The following COL6A3 variants were observed in gnomAD, a reference collection of about 807,000 sequenced individuals.
COL6A3 encodes the protein collagen type VI alpha 3 chain, also known as collagen alpha-3(VI) chain.
In COL6A3, 137 loss-of-function variants were observed where a neutral mutation model predicts 274.1. That is an observed-to-expected ratio of 0.50 (90% confidence interval 0.44 to 0.58). The LOEUF (loss-of-function observed/expected upper bound fraction) is 0.58. COL6A3 is among the 20% of genes least tolerant of loss of function. COL6A3 has a pLI of 0.00. For synonymous variants in COL6A3, 1,650 were observed against 1,650.6 expected, an observed-to-expected ratio of 1.00 and a Z score of 0.01; for missense variants, 3,950 against 4,124.9, an observed-to-expected ratio of 0.96 and a Z score of 1.16.
intron 1 of COL6A3, among the ~76,000 whole-genome samples, chr2:237,405,674 A>G (rs1286747835): frequency 1.3e-5 from 2 of 152,108 alleles, no homozygotes; most frequent in African/African-American, 4.8e-5. Flanking sequence ...AGCTACATAG[A>G]TAAAAACAAC....
In COL6A3 at chr2:237,340,494, G is replaced by T. The variant is rs1335582737; in HGVS notation, c.8422C>A (p.Pro2808Thr). Residue 2808 changes from proline (P) to threonine (T), a missense_variant, in exon 38 of 44, where the codon CCT (proline) becomes ACT (threonine). This residue lies in a region of COL6A3 where 1,284 missense variants were observed against 1,349.7 expected (regional missense o/e 0.95). Coordinates refer to ENST00000295550, the MANE Select transcript of COL6A3 (RefSeq NM_004369.4). ...AACAGCCTCCCGAAGCGCATCAAAGGCTCCTCGTTGAGCTCGGTGGACTTG... is the reference window on the plus strand; with the variant it reads ...AACAGCCTCCCGAAGCGCATCAAAGTCTCCTCGTTGAGCTCGGTGGACTTG... ...VDKSTELNEE[P>T]LMRFGRLLPS... is the part of the protein sequence containing the mutation. 2.5e-6 allele frequency: 4 copies of T among 1,613,882 alleles called. No individual in the cohort carries two copies. The highest frequency in any genetic ancestry group is 1.3e-5 in the African/African-American group (1 of 74,922).
intron 3 of COL6A3, among the ~76,000 whole-genome samples, chr2:237,390,223 CT>C (rs2078252414): frequency 6.6e-6 from 1 of 152,164 alleles, no homozygotes. Flanking sequence ...TTGTAACTTA[CT>C]TTTGGGTTGA....
At position 237,342,193 on chromosome 2, in the gene COL6A3, G is replaced by A. The variant is rs1387825779; in HGVS notation, c.7669-32C>T. On this transcript the variant is annotated intron_variant, in intron 36 of 43. Transcript: ENST00000295550. ...TAAACAAAAGAACAATTTTGGTAGG[G>A]GCGTACATGATCAGTAATATCTGAA... is the stretch of plus-strand genomic sequence containing the variant. 8 of 1,556,004 alleles carry A rather than the reference G, an allele frequency of 5.1e-6. No individual in the cohort carries two copies. In the East Asian group the frequency reaches 6.7e-5, roughly 13 times the overall value.
At position 237,360,125 on chromosome 2, in the gene COL6A3, T is replaced by C; in HGVS notation, c.6245A>G (p.Gln2082Arg). Reference protein sequence around the residue: ...ERGPPGVNGTQGFQGCPGQRG... With the variant: ...ERGPPGVNGTRGFQGCPGQRG... ...CTGGCCCGGGCAGCCCTGGAAACCT[T>C]GAGTGCCGTTCACACCAGGCGGACC... Residue 2082 changes from glutamine to arginine, a missense_variant, in exon 17 of 44, where the codon CAA becomes CGA. Coordinates refer to ENST00000295550, the MANE Select transcript of COL6A3 (RefSeq NM_004369.4). 1 of 1,614,002 alleles carries C rather than the reference T, an allele frequency of 6.2e-7. No homozygotes were observed. The highest frequency in any genetic ancestry group is 8.5e-7 in the Non-Finnish European group (1 of 1,180,002).
In COL6A3 at chr2:237,379,027, G is replaced by A; in HGVS notation, c.2106C>T (p.Ile702=). Reference sequence around the variant, plus strand: ...GCTGCAGCTGCCTCAGATGACCAAGGATATCTGACTTGGTCTGGTATGTGT... The same window carrying A: ...GCTGCAGCTGCCTCAGATGACCAAGAATATCTGACTTGGTCTGGTATGTGT... ...SLNTYQTKSD[I]LGHLRQLQLQ... The change falls in exon 6 of 44, where the codon ATC becomes ATT. Residue 702 remains isoleucine (I), a synonymous_variant. Transcript: ENST00000295550. 6.2e-7 allele frequency: 1 copy of A among 1,614,168 alleles called. No homozygotes were observed. The highest frequency in any genetic ancestry group is 1.7e-5 in the Admixed American group (1 of 60,026).
chr2:237,350,311 G>T, intron 27 of COL6A3, 102 bp from the exon 28 acceptor site: 2 of 1,003,972 alleles, frequency 2.0e-6, no homozygotes, highest in South Asian at 1.3e-5. Context: ...GCAACATGCT[G>T]ACTTCACCTT....
At chr2:237,397,787 T>C (rs2078488444) in intron 1 of COL6A3, among the ~76,000 whole-genome samples, 1 of 152,242 alleles carries the variant, frequency 6.6e-6, no homozygotes, top group Admixed American at 6.5e-5. Context: ...ATTTATCCAT[T>C]ATGAAAGATA....
chr2:237,405,500 A>C (rs1250885589), intron 1 of COL6A3, among the ~76,000 whole-genome samples: 5 of 151,968 alleles, frequency 3.3e-5, no homozygotes, highest in African/African-American at 2.4e-5. Context: ...ATTCCCCGAC[A>C]CCACCCTCCC....
At chr2:237,350,122 G>T in intron 28 of COL6A3, 25 bp downstream of exon 28, 1 of 1,613,004 alleles carries the variant, frequency 6.2e-7, no homozygotes, top group Non-Finnish European at 8.5e-7. Context: ...GCGACAGCCT[G>T]ACCCCAAGCG....
At chr2:237,380,003 A>C (rs1234027828) in intron 5 of COL6A3, among the ~76,000 whole-genome samples, 4 of 152,250 alleles carry the variant, frequency 2.6e-5, no homozygotes, top group South Asian at 2.1e-4. Flanking sequence ...TGTGCCTTTA[A>C]AATTTTATTT....
chr2:237,389,026 T>A (rs192087494), intron 3 of COL6A3, among the ~76,000 whole-genome samples: 244 of 152,294 alleles, frequency 1.6e-3, no homozygotes, highest in Non-Finnish European at 2.6e-3. Flanking sequence ...CAACCTTGTT[T>A]TTATGACATC....
intron 43 of COL6A3, among the ~76,000 whole-genome samples, chr2:237,325,164 A>C (rs994620182): frequency 1.2e-4 from 19 of 152,322 alleles, no homozygotes; most frequent in African/African-American, 4.1e-4. Flanking sequence ...AATATAATGG[A>C]GATACTGGAT....
chr2:237,394,992 CT>C lies in COL6A3; in HGVS notation c.303del (p.Val102SerfsTer21). The C allele has an allele frequency of 6.2e-7, 1 of 1,614,166 alleles. No homozygotes were observed. Among genetic ancestry groups the C allele is most frequent in the Non-Finnish European group, 8.5e-7 (1 of 1,180,030 alleles). The stretch of plus-strand genomic sequence containing the variant: ...GACATGTTGGAAATATGAGAAAGGA[CT>C]TCTTGTTTAGTACGATACGTATTTA... ...FLLNTYRTKQ[E>X]VLSHISNMSY... On this transcript the variant is annotated frameshift_variant, in exon 3 of 44. Transcript: ENST00000295550. LOFTEE classifies it high-confidence loss of function.
At position 237,379,078 on chromosome 2, in the gene COL6A3, G is replaced by A. The variant is rs72986169; in HGVS notation, c.2055C>T (p.Asp685=). The change falls in exon 6 of 44, where the codon GAC becomes GAT. Residue 685 remains aspartate, a synonymous_variant. Transcript: ENST00000295550. ...TTAAAGAGAACTCCGTTACAGGAGT[G>A]TCACTAAATTGCACTAAACCAACAC... The part of the protein sequence containing the change: ...NIRVGLVQFS[D]TPVTEFSLNT... 8.1e-6 allele frequency: 13 copies of A among 1,614,164 alleles called. No homozygotes were observed. The highest frequency in any genetic ancestry group is 1.1e-5 in the Non-Finnish European group (13 of 1,179,992).
chr2:237,366,063 T>C (rs1393072892), intron 11 of COL6A3, 28 bp from the exon 12 acceptor site: 1 of 1,602,952 alleles, frequency 6.2e-7, no homozygotes, highest in East Asian at 2.2e-5. Context: ...AGGTGATGAG[T>C]TCTCAGCTGG....
At chr2:237,406,787 GAGAATCCTCAAA>G (rs2078730385) in intron 1 of COL6A3, among the ~76,000 whole-genome samples, 1 of 152,020 alleles carries the variant, frequency 6.6e-6, no homozygotes, top group African/African-American at 2.4e-5. Flanking sequence ...AGACCCAAAG[GAGAATCCTCAAA>G]AGAAAATGTT....
intron 18 of COL6A3, 38 bp downstream of exon 18, chr2:237,359,324 G>A: frequency 6.2e-7 from 1 of 1,613,990 alleles, no homozygotes. Context: ...AATACTGGGA[G>A]AGTTTTCCAT....
chr2:237,350,888 G>A (rs1432667369), intron 27 of COL6A3, among the ~76,000 whole-genome samples: 3 of 152,254 alleles, frequency 2.0e-5, no homozygotes, highest in Non-Finnish European at 4.4e-5. Flanking sequence ...GAGGGCTGTG[G>A]CCAGGAGAAA....
chr2:237,388,956 T>C (rs992669456), intron 3 of COL6A3, among the ~76,000 whole-genome samples: 3 of 152,192 alleles, frequency 2.0e-5, no homozygotes, highest in Non-Finnish European at 1.5e-5. Context: ...CTATATTCAG[T>C]CACTTAATGC....
Sources: allele counts gnomAD v4.1 joint callset (sites outside exome capture counted in the v4.1 genomes callset), GRCh38; gene constraint gnomAD v4.1.1; regional missense constraint gnomAD v4.1.1; transcripts MANE v1.5; gene names NCBI Gene and HGNC (gene_info 2026-07-23, HGNC 2026-07-21).